Variants in BRCA2 observed in about 807,000 individuals in gnomAD.
BRCA2 encodes the protein breast cancer type 2 susceptibility protein.
A neutral mutation model predicts 276.7 loss-of-function variants in BRCA2; 203 were observed. The ratio of observed to expected loss-of-function variants is 0.73; its 90% CI spans 0.65 to 0.82. The LOEUF is 0.82. Ranked by LOEUF, BRCA2 falls within the 40% of genes least tolerant of loss-of-function variation. The pLI is 0.00. For synonymous variants in BRCA2, 1,289 were observed against 1,338.4 expected (o/e 0.96, Z 0.81); for missense variants, 3,920 against 3,915.0 (o/e 1.00, Z -0.03).
At chr13:32,316,744 TA>T (rs1222239884) in intron 2 of BRCA2, among the ~76,000 whole-genome samples, 2 of 152,216 alleles carry the variant, frequency 1.3e-5, no homozygotes, top group African/African-American at 4.8e-5. Context: ...GCCCCTTGAC[TA>T]GCAGTAGGAA....
chr13:32,392,792 G>GTTT (rs2073006336), intron 24 of BRCA2, among the ~76,000 whole-genome samples: 1 of 152,020 alleles, frequency 6.6e-6, no homozygotes, highest in African/African-American at 2.4e-5. Context: ...TTGAAAAATT[G>GTTT]TTTGAGTTTA....
At chr13:32,359,222 G>GAAAAAAAAAAAAAAA (rs67041705) in intron 16 of BRCA2, among the ~76,000 whole-genome samples, 4 of 107,382 alleles carry the variant, frequency 3.7e-5, no homozygotes, top group Non-Finnish European at 3.6e-5. Flanking sequence ...TCCATCTCAA[G>GAAAAAAAAAAAAAAA]AAAAAAAAAA....
chr13:32,337,199 T>G lies in BRCA2; in HGVS notation c.2844T>G (p.Val948=), dbSNP rs2072466414. Residue 948 remains valine, a synonymous_variant, in exon 11 of 27, where the codon GTT becomes GTG. Coordinates refer to ENST00000380152, the MANE Select transcript of BRCA2 (RefSeq NM_000059.4). ...ATQVSIKKDL[V]YVLAEENKNS... is the part of the protein sequence containing the mutation. ...AAGTGTCAATTAAAAAAGATTTGGTTTATGTTCTTGCAGAGGAGAACAAAA... is the reference window on the plus strand; with the variant it reads ...AAGTGTCAATTAAAAAAGATTTGGTGTATGTTCTTGCAGAGGAGAACAAAA... 1.2e-6 allele frequency: 2 copies of G among 1,613,720 alleles called. No individual in the cohort carries two copies. The highest frequency in any genetic ancestry group is 3.3e-4 in the Middle Eastern group (2 of 6,056).
At position 32,364,660 on chromosome 13, in the gene BRCA2, G is replaced by T. The variant is rs150337410; in HGVS notation, c.8331+1127G>T. On this transcript the variant is annotated intron_variant, in intron 18 of 26. Transcript: ENST00000380152. ...TTCTTTACAGCTTACTGCTTTCCAT[G>T]AAGTTATTAACTGTCCTTTTCATTT... Among the ~76,000 whole-genome samples, 15 of 152,274 alleles carry T rather than the reference G, an allele frequency of 9.9e-5. No individual in the cohort carries two copies. In the East Asian group the frequency reaches 2.9e-3, roughly 29 times the overall value.
intron 21 of BRCA2, 31 bp downstream of exon 21, chr13:32,376,822 T>G: frequency 6.2e-7 from 1 of 1,612,246 alleles, no homozygotes; most frequent in Non-Finnish European, 8.5e-7. Flanking sequence ...ATAATGAGGC[T>G]TGATGATTAT....
Position 32,339,702 on chromosome 13 carries a change from A to G in BRCA2, c.5347A>G (p.Lys1783Glu), listed in dbSNP as rs1555284184. The part of the protein sequence containing the change: ...EPVLKNVEDQ[K>E]NTSFSKVISN... Reference sequence around the variant, plus strand: ...AGTATTGAAGAATGTTGAAGATCAAAAAAACACTAGTTTTTCCAAAGTAAT... The same window carrying G: ...AGTATTGAAGAATGTTGAAGATCAAGAAAACACTAGTTTTTCCAAAGTAAT... Residue 1783 changes from lysine (K) to glutamate (E), a missense_variant, in exon 11 of 27, where the codon AAA (lysine) becomes GAA (glutamate). Around this residue, in one of 2 missense-constraint regions of BRCA2, gnomAD observed 3,263 missense variants for 3,156.9 expected, o/e 1.03. Coordinates refer to ENST00000380152, the MANE Select transcript of BRCA2 (RefSeq NM_000059.4). The G allele has an allele frequency of 6.2e-7, 1 of 1,613,536 alleles. No homozygotes were observed. The highest frequency in any genetic ancestry group is 8.5e-7 in the Non-Finnish European group (1 of 1,179,544).
chr13:32,324,996 T>C (rs929618744), intron 3 of BRCA2, 80 bp from the exon 4 acceptor site: 2 of 1,017,314 alleles, frequency 2.0e-6, no homozygotes, highest in Admixed American at 1.9e-5. Flanking sequence ...AGGAGACTTT[T>C]TGTTTTTAAA....
intron 10 of BRCA2, 133 bp downstream of exon 10, chr13:32,333,520 G>A: frequency 9.8e-7 from 1 of 1,015,670 alleles, no homozygotes; most frequent in Non-Finnish European, 1.4e-6. Flanking sequence ...ATACATGATT[G>A]TTTAGGTCTT....
rs11571658 is a variant in BRCA2, at chr13:32,340,629, CTT to C, written c.6275_6276del (p.Leu2092ProfsTer7). 6.9e-5 allele frequency: 111 copies of C among 1,606,550 alleles called. No homozygotes were observed. The highest frequency in any genetic ancestry group is 8.7e-5 in the Non-Finnish European group (103 of 1,177,508). On this transcript the variant is annotated frameshift_variant, in exon 11 of 27. Coordinates refer to ENST00000380152, the MANE Select transcript of BRCA2 (RefSeq NM_000059.4). LOFTEE classifies it high-confidence loss of function. ...TGATTTAATCAGAACTGAGCATAGTCTTCACTATTCACCTACGTCTAGACAAA... is the reference window on the plus strand; with the variant it reads ...TGATTTAATCAGAACTGAGCATAGTCCACTATTCACCTACGTCTAGACAAA... ...EFDLIRTEHSLHYSPTSRQNV... is the reference protein window; with the variant it reads ...EFDLIRTEHSXHYSPTSRQNV...
rs773619645 is a variant in BRCA2, at chr13:32,336,304, A to G, written c.1949A>G (p.Asn650Ser). ...HSSVKRSCSQNDSEEPTLSLT... is the reference protein window; with the variant it reads ...HSSVKRSCSQSDSEEPTLSLT... ...TCTGTGAAAAGAAGCTGTTCACAGA[A>G]TGATTCTGAAGAACCAACTTTGTCC... The change falls in exon 11 of 27, where the codon AAT becomes AGT. Residue 650 changes from asparagine to serine, a missense_variant. This residue lies in a region of BRCA2 where 3,263 missense variants were observed against 3,156.9 expected (regional missense o/e 1.03). Transcript: ENST00000380152. 1.9e-6 allele frequency: 3 copies of G among 1,603,022 alleles called. No homozygotes were observed. The African/African-American group carries it at 4.0e-5, about 22-fold the overall frequency.
rs80359018 is a variant in BRCA2 at position 32,362,645 on chromosome 13, C to G, written c.7928C>G (p.Ala2643Gly). 24 of 1,614,064 alleles carry G rather than the reference C, an allele frequency of 1.5e-5. No homozygotes were observed. The highest frequency in any genetic ancestry group is 1.9e-5 in the Non-Finnish European group (23 of 1,180,032). ...GAATGTGCCTTTCCTAAGGAATTTG[C>G]TAATAGATGCCTAAGCCCAGAAAGG... ...AMECAFPKEF[A>G]NRCLSPERVL... Residue 2643 changes from alanine (A) to glycine (G), a missense_variant, in exon 17 of 27, where the codon GCT becomes GGT. Ala to Gly is a moderately conservative substitution (Grantham distance 60). This residue lies in a region of BRCA2 where 3,263 missense variants were observed against 3,156.9 expected (regional missense o/e 1.03). Coordinates refer to ENST00000380152, the MANE Select transcript of BRCA2 (RefSeq NM_000059.4).
intron 20 of BRCA2, chr13:32,375,231 C>T (rs975047100): frequency 9.9e-5 from 32 of 322,668 alleles, no homozygotes; most frequent in Non-Finnish European, 1.4e-4. Flanking sequence ...AGAGCCAAAT[C>T]GTATGAAGCT....
intron 24 of BRCA2, chr13:32,384,701 G>A (rs1466858102): frequency 1.3e-5 from 3 of 236,424 alleles, no homozygotes; most frequent in Non-Finnish European, 2.8e-5. Flanking sequence ...AGGATAGTCT[G>A]GAGCAGTTAA....
Position 32,339,593 on chromosome 13 carries a change from T to C in BRCA2, c.5238T>C (p.Ser1746=), listed in dbSNP as rs1166425383. ...QDTYLSNSSM[S]NSYSYHSDEV... ...CTTATTTAAGTAACAGTAGCATGTC[T>C]AACAGCTATTCCTACCATTCTGATG... The change falls in exon 11 of 27, where the codon TCT becomes TCC. Residue 1746 remains serine (S), a synonymous_variant. Transcript: ENST00000380152. 2 of 1,610,856 alleles carry C rather than the reference T, an allele frequency of 1.2e-6. No homozygotes were observed. Among genetic ancestry groups the C allele is most frequent in the African/African-American group, 2.7e-5 (2 of 74,818 alleles).
intron 3 of BRCA2, among the ~76,000 whole-genome samples, chr13:32,324,449 ATTTC>A (rs1008196877): frequency 6.6e-5 from 10 of 152,186 alleles, no homozygotes; most frequent in African/African-American, 1.9e-4. Flanking sequence ...AAATATATAT[ATTTC>A]TTATGTACCC....
At chr13:32,322,992 C>T (rs2072316502) in intron 3 of BRCA2, among the ~76,000 whole-genome samples, 1 of 152,162 alleles carries the variant, frequency 6.6e-6, no homozygotes, top group Non-Finnish European at 1.5e-5. Flanking sequence ...TGAGAAACTA[C>T]AAGCTTTCTT....
rs206147 is a variant in BRCA2 at position 32,385,652 on chromosome 13, T to C, written c.9256+5507T>C. 48,919 of 232,116 alleles carry C rather than the reference T, an allele frequency of 0.21. 5,307 individuals are homozygous for C. The highest frequency in any genetic ancestry group is 0.25 in the Middle Eastern group (551 of 2,184). The allele number at this position is 232,116 out of a possible 1,614,324, so 14.4% of individuals were successfully genotyped here. On this transcript the variant is annotated intron_variant, in intron 24 of 26. Transcript: ENST00000380152. ...GACAAAATGATAAGATCACCTGTATTTCATCTTCAATCTGCTGTGGAACAA... is the reference window on the plus strand; with the variant it reads ...GACAAAATGATAAGATCACCTGTATCTCATCTTCAATCTGCTGTGGAACAA...
At chr13:32,393,333 A>C (rs1338967737) in intron 24 of BRCA2, among the ~76,000 whole-genome samples, 1 of 152,118 alleles carries the variant, frequency 6.6e-6, no homozygotes, top group Non-Finnish European at 1.5e-5. Flanking sequence ...TTCTACATTA[A>C]TTGGAATTCT....
At position 32,336,482 on chromosome 13, in the gene BRCA2, G is replaced by A. The variant is rs554040246; in HGVS notation, c.2127G>A (p.Leu709=). ...QLFITPEADS[L]SCLQEGQCEN... is the part of the protein sequence containing the mutation. ...TTATTACCCCAGAAGCTGATTCTCTGTCATGCCTGCAGGAAGGACAGTGTG... is the reference window on the plus strand; with the variant it reads ...TTATTACCCCAGAAGCTGATTCTCTATCATGCCTGCAGGAAGGACAGTGTG... Residue 709 remains leucine, a synonymous_variant, in exon 11 of 27, where the codon CTG becomes CTA. Coordinates refer to ENST00000380152, the MANE Select transcript of BRCA2 (RefSeq NM_000059.4). 1 of 1,614,058 alleles carries A rather than the reference G, an allele frequency of 6.2e-7. No individual in the cohort carries two copies. Among genetic ancestry groups the A allele is most frequent in the Non-Finnish European group, 8.5e-7 (1 of 1,180,014 alleles).
Sources: allele counts gnomAD v4.1 joint callset (sites outside exome capture counted in the v4.1 genomes callset), GRCh38; gene constraint gnomAD v4.1.1; regional missense constraint gnomAD v4.1.1; transcripts MANE v1.5; gene names NCBI Gene and HGNC (gene_info 2026-07-23, HGNC 2026-07-21).